UNC13C: variants seen among roughly 807,000 people sequenced by gnomAD.
The protein encoded by UNC13C is protein unc-13 homolog C.
Under a neutral mutation model 245.4 loss-of-function variants are expected in UNC13C, and 174 were observed. The observed-to-expected ratio is 0.71, with a 90% CI of 0.63 to 0.80. The LOEUF is 0.80. Among genes scored for constraint, UNC13C ranks in the 30% least tolerant of loss-of-function variants. The probability of loss-of-function intolerance (pLI) is 0.00; values close to 1 mark genes in which losing one functional copy is unlikely to be tolerated. For synonymous variants in UNC13C, 992 were observed against 895.1 expected, an observed-to-expected ratio of 1.11 and a Z score of -1.93; for missense variants, 2,829 against 2,602.9, an observed-to-expected ratio of 1.09 and a Z score of -1.89.
At chr15:54,491,504 TG>T (rs1273187993) in intron 19 of UNC13C, among the ~76,000 whole-genome samples, 1 of 152,236 alleles carries the variant, frequency 6.6e-6, no homozygotes, top group Admixed American at 6.5e-5. Flanking sequence ...GTAATATTTT[TG>T]TTTTTAAATA....
At chr15:53,893,183 T>G in the UNC13C span, among the ~76,000 whole-genome samples, 150,158 of 152,310 alleles carry the variant, frequency 0.99, 74,049 homozygotes, top group Non-Finnish European at 1. Flanking sequence ...ACCAGCGAAG[T>G]CTGCAGAACA....
intron 4 of UNC13C, among the ~76,000 whole-genome samples, chr15:54,219,842 A>G (rs1021029873): frequency 7.2e-5 from 11 of 151,884 alleles, no homozygotes; most frequent in Admixed American, 1.3e-4. Context: ...GACACATGAA[A>G]AAATGCTCAT....
intron 2 of UNC13C, among the ~76,000 whole-genome samples, chr15:54,126,934 G>A (rs576940077): frequency 1.3e-5 from 2 of 152,060 alleles, no homozygotes; most frequent in Non-Finnish European, 2.9e-5. Context: ...ACATTTATGC[G>A]GCCAATAGTT....
intron 2 of UNC13C, among the ~76,000 whole-genome samples, chr15:54,140,251 T>G (rs1456034042): frequency 6.6e-6 from 1 of 152,180 alleles, no homozygotes; most frequent in Non-Finnish European, 1.5e-5. Flanking sequence ...TAATTCATCT[T>G]CACTATATAG....
chr15:54,488,605 C>T (rs1212653978), intron 19 of UNC13C, among the ~76,000 whole-genome samples: 1 of 152,076 alleles, frequency 6.6e-6, no homozygotes, highest in African/African-American at 2.4e-5. Context: ...CAGAAAAAAA[C>T]TCATGAATAA....
intron 4 of UNC13C, among the ~76,000 whole-genome samples, chr15:54,160,389 C>CT (rs2032925893): frequency 6.7e-6 from 1 of 149,246 alleles, no homozygotes; most frequent in South Asian, 2.2e-4. Flanking sequence ...CCTAACAATG[C>CT]ATACTAGATT....
intron 24 of UNC13C, among the ~76,000 whole-genome samples, chr15:54,517,213 T>G (rs1895018360): frequency 6.6e-6 from 1 of 152,090 alleles, no homozygotes; most frequent in Non-Finnish European, 1.5e-5. Context: ...TAATCTACTG[T>G]TCTCATATTT....
chr15:54,277,383 T>C (rs1346373204), intron 10 of UNC13C, among the ~76,000 whole-genome samples: 1 of 152,184 alleles, frequency 6.6e-6, no homozygotes, highest in Admixed American at 6.5e-5. Flanking sequence ...GAGCTTTTAT[T>C]ATGATTAGAT....
intron 16 of UNC13C, among the ~76,000 whole-genome samples, chr15:54,336,376 C>A (rs536483335): frequency 7.2e-6 from 1 of 139,618 alleles, no homozygotes; most frequent in Non-Finnish European, 1.6e-5. Flanking sequence ...GTTTTGAATA[C>A]AATTTTTTGT....
chr15:54,496,935 C>A (rs1037756922), intron 20 of UNC13C, among the ~76,000 whole-genome samples: 2 of 151,840 alleles, frequency 1.3e-5, no homozygotes, highest in Non-Finnish European at 2.9e-5. Context: ...TTCATGTAAC[C>A]AAACACCACG....
At chr15:54,304,670 A>G (rs971276948) in intron 13 of UNC13C, among the ~76,000 whole-genome samples, 3 of 151,538 alleles carry the variant, frequency 2.0e-5, no homozygotes, top group Non-Finnish European at 2.9e-5. Flanking sequence ...AAAAAAAAAA[A>G]AACCCTTACC....
At chr15:54,612,260 A>G (rs1268293951) in intron 30 of UNC13C, among the ~76,000 whole-genome samples, 4 of 141,736 alleles carry the variant, frequency 2.8e-5, no homozygotes, top group Non-Finnish European at 6.1e-5. Context: ...TGTTTAAAAT[A>G]TATGCTAATG....
chr15:54,013,086 C>A lies in UNC13C; in HGVS notation c.183C>A (p.Ser61Arg), dbSNP rs780993831. The stretch of plus-strand genomic sequence containing the variant: ...CCAAATTTTCTTACACTTTTAAAAG[C>A]ACTGTAAAGAAGATTGCAAAGTGTT... ...KSPKFSYTFK[S>R]TVKKIAKCSS... Residue 61 changes from serine (S) to arginine (R), a missense_variant, in exon 2 of 33, where the codon AGC becomes AGA. Transcript: ENST00000260323. The A allele has an allele frequency of 6.2e-7, 1 of 1,613,878 alleles. No homozygotes were observed. The highest frequency in any genetic ancestry group is 8.5e-7 in the Non-Finnish European group (1 of 1,179,850).
At position 54,170,564 on chromosome 15, in the gene UNC13C, CT is replaced by C. The variant is rs144574292; in HGVS notation, c.3071+26888del. 2.5e-3 allele frequency among the ~76,000 whole-genome samples: 380 copies of C among 151,730 alleles called. 4 individuals carry two copies. The highest frequency in any genetic ancestry group is 8.8e-3 in the African/African-American group (365 of 41,372). ...ACATTAGTAAGTGTTTTTTTATTTC[CT>C]TTTTTTTCCTTAAAATATCTTATTT... is the stretch of plus-strand genomic sequence containing the variant. On this transcript the variant is annotated intron_variant, in intron 4 of 32. Coordinates refer to ENST00000260323, the MANE Select transcript of UNC13C (RefSeq NM_001080534.3).
upstream of UNC13C, among the ~76,000 whole-genome samples, chr15:53,976,528 A>G (rs985125738): frequency 8.3e-6 from 1 of 120,760 alleles, no homozygotes; most frequent in Admixed American, 1.1e-4. Context: ...CTGGAGTGCA[A>G]TGGCGCGATC....
intron 17 of UNC13C, among the ~76,000 whole-genome samples, chr15:54,363,980 A>G (rs994505004): frequency 8.5e-5 from 13 of 152,238 alleles, no homozygotes; most frequent in Non-Finnish European, 1.9e-4. Flanking sequence ...GTAAATGCAA[A>G]TTAAAAATTC....
the UNC13C span, among the ~76,000 whole-genome samples, chr15:53,950,548 A>G: frequency 2.0e-5 from 3 of 152,100 alleles, no homozygotes; most frequent in Non-Finnish European, 4.4e-5. Flanking sequence ...ACAACAGAAT[A>G]CAATAGCTGG....
chr15:54,234,998 A>G (rs779543336), intron 4 of UNC13C, 32 bp from the exon 5 acceptor site: 7 of 1,572,260 alleles, frequency 4.5e-6, no homozygotes, highest in Non-Finnish European at 6.1e-6. Flanking sequence ...CATTTTACCC[A>G]TTGCAATTAT....
At chr15:54,119,667 G>A (rs35055717) in intron 2 of UNC13C, among the ~76,000 whole-genome samples, 54,715 of 151,936 alleles carry the variant, frequency 0.36, 10,040 homozygotes, top group African/African-American at 0.4. Flanking sequence ...AAGGCATGTC[G>A]AAAGTCAATA....
Sources: gnomAD v4.1 joint callset for allele counts (sites outside exome capture counted in the v4.1 genomes callset) on GRCh38, gnomAD v4.1.1 for gene constraint, MANE v1.5 for transcripts, NCBI Gene and HGNC (gene_info 2026-07-23, HGNC 2026-07-21) for gene names.